The following SLC26A5 variants were observed in gnomAD, a reference collection of about 807,000 sequenced individuals.
SLC26A5 encodes the protein prestin.
SLC26A5 carries 51 observed loss-of-function variants against 81.0 expected under a neutral mutation model. The observed-to-expected ratio is 0.63, with a 90% CI of 0.50 to 0.80. The LOEUF (loss-of-function observed/expected upper bound fraction) is 0.80. SLC26A5 is among the 30% of genes least tolerant of loss of function. The probability of loss-of-function intolerance (pLI) is 0.00; values close to 1 mark genes in which losing one functional copy is unlikely to be tolerated. For synonymous variants in SLC26A5, 325 were observed against 332.8 expected (o/e 0.98, Z 0.25); for missense variants, 771 against 905.8 (o/e 0.85, Z 1.91).
At chr7:103,395,720 C>T (rs1490216427) in intron 9 of SLC26A5, among the ~76,000 whole-genome samples, 1 of 151,514 alleles carries the variant, frequency 6.6e-6, no homozygotes, top group East Asian at 1.9e-4. Flanking sequence ...GGGGTTTCAC[C>T]ATGTTTGCCA....
intron 2 of SLC26A5, among the ~76,000 whole-genome samples, chr7:103,427,434 A>G (rs1246175765): frequency 4.6e-5 from 7 of 151,692 alleles, no homozygotes; most frequent in African/African-American, 1.5e-4. Flanking sequence ...GTAGATGAGA[A>G]AATGGATCCA....
intron 17 of SLC26A5, 46 bp from the exon 18 acceptor site, chr7:103,377,845 A>C: frequency 6.4e-7 from 1 of 1,569,442 alleles, no homozygotes; most frequent in Non-Finnish European, 8.7e-7. Context: ...AACAACTCAC[A>C]TTTCTGGTTG....
intron 19 of SLC26A5, 91 bp downstream of exon 19, chr7:103,376,711 AATAATT>A: frequency 2.2e-6 from 2 of 928,418 alleles, no homozygotes; most frequent in Non-Finnish European, 3.4e-6. Context: ...ATTTTTATAA[AATAATT>A]AAAATTAAGG....
chr7:103,374,302 A>T lies in SLC26A5; in HGVS notation c.*97T>A. ...AATCAAGCCTGGACTACTAGTATTCACCCTTAGAAAAAAAAATCTAGCGTC... is the reference window on the plus strand; with the variant it reads ...AATCAAGCCTGGACTACTAGTATTCTCCCTTAGAAAAAAAAATCTAGCGTC... On this transcript the variant is annotated 3_prime_UTR_variant, in exon 20 of 20. Coordinates refer to ENST00000306312, the MANE Select transcript of SLC26A5 (RefSeq NM_198999.3). 1 of 1,549,510 alleles carries T rather than the reference A, an allele frequency of 6.5e-7. No homozygotes were observed. Among genetic ancestry groups the T allele is most frequent in the Non-Finnish European group, 8.7e-7 (1 of 1,148,306 alleles).
At chr7:103,434,310 T>G (rs957817073) in intron 2 of SLC26A5, among the ~76,000 whole-genome samples, 4 of 152,210 alleles carry the variant, frequency 2.6e-5, no homozygotes, top group Non-Finnish European at 5.9e-5. Flanking sequence ...AAAATCCAGT[T>G]TCCTCATGAG....
chr7:103,366,265 A>G, intron 19 of SLC26A5: 2 of 1,011,968 alleles, frequency 2.0e-6, no homozygotes, highest in East Asian at 2.4e-5. Flanking sequence ...TTTAACTCCA[A>G]CTCTTCTATG....
rs374432802 is a variant in SLC26A5, at chr7:103,364,958, C to CATACATATATATAT, written c.2041+11849_2041+11850insATATATATATGTAT. ...GGTTGTTTTTATGTTTGTAGACATACATATATATATATATATATATATATA... is the reference window on the plus strand; with the variant it reads ...GGTTGTTTTTATGTTTGTAGACATACATACATATATATATATATATATATATATATATATATATA... On this transcript the variant is annotated intron_variant, in intron 19 of 19. Coordinates refer to the SLC26A5 transcript ENST00000339444. Among the ~76,000 whole-genome samples the CATACATATATATAT allele has an allele frequency of 4.8e-5, 6 of 125,490 alleles. No homozygotes were observed. In the East Asian group the frequency reaches 1.5e-3, roughly 31 times the overall value. 82.3% of individuals were successfully genotyped at this position (125,490 alleles called of 152,430 possible). A position where few individuals can be genotyped will look rare whatever the true frequency, so the allele number is the denominator to read the frequency against.
At chr7:103,410,055 A>G (rs1328844764) in intron 7 of SLC26A5, among the ~76,000 whole-genome samples, 1 of 152,140 alleles carries the variant, frequency 6.6e-6, no homozygotes, top group African/African-American at 2.4e-5. Flanking sequence ...ATGCCTTTAA[A>G]TTATTTGTTA....
chr7:103,396,670 G>A (rs1823136235), intron 9 of SLC26A5, among the ~76,000 whole-genome samples: 1 of 152,154 alleles, frequency 6.6e-6, no homozygotes, highest in Non-Finnish European at 1.5e-5. Context: ...ACTGGGGGCT[G>A]GGGGAAGAAG....
At chr7:103,433,415 C>A (rs1253897182) in intron 2 of SLC26A5, 2 of 152,116 alleles carry the variant, frequency 1.3e-5, no homozygotes, top group Admixed American at 1.3e-4. Flanking sequence ...GTCAGCTTCG[C>A]CCTCTGTGTT....
At chr7:103,430,083 T>C (rs1444877453) in intron 2 of SLC26A5, among the ~76,000 whole-genome samples, 2 of 151,716 alleles carry the variant, frequency 1.3e-5, no homozygotes, top group African/African-American at 4.8e-5. Flanking sequence ...GCACTTTTTT[T>C]TTTTTTTTTT....
At position 103,402,014 on chromosome 7, in the gene SLC26A5, T is replaced by C. The variant is rs553885357; in HGVS notation, c.889-4000A>G. Among the ~76,000 whole-genome samples the C allele has an allele frequency of 7.9e-5, 12 of 152,268 alleles. No individual in the cohort carries two copies. The South Asian group carries it at 1.7e-3, about 21-fold the overall frequency. ...TTCATCAGGGATGCTGGCCTGAAAT[T>C]TTCTTTTTTTTGTTGTTGTGTCTCT... On this transcript the variant is annotated intron_variant, in intron 8 of 19. Transcript: ENST00000306312.
At chr7:103,379,786 C>A (rs1054512940) in intron 15 of SLC26A5, among the ~76,000 whole-genome samples, 3 of 152,082 alleles carry the variant, frequency 2.0e-5, no homozygotes, top group Non-Finnish European at 2.9e-5. Flanking sequence ...TAAATGGACA[C>A]AAGTGAAACT....
At chr7:103,430,031 G>A (rs909123452) in intron 2 of SLC26A5, among the ~76,000 whole-genome samples, 1 of 151,296 alleles carries the variant, frequency 6.6e-6, no homozygotes, top group African/African-American at 2.4e-5. Context: ...AATACCACAT[G>A]CAGAGCCTAG....
At chr7:103,408,085 A>C (rs561923794) in intron 7 of SLC26A5, 82 bp from the exon 8 acceptor site, 164 of 1,551,374 alleles carry the variant, frequency 1.1e-4, no homozygotes, top group East Asian at 1.8e-4. Context: ...ACTAATTCAC[A>C]CCAGCCATTC....
intron 11 of SLC26A5, 29 bp from the exon 12 acceptor site, chr7:103,390,535 CT>C: frequency 6.3e-7 from 1 of 1,585,468 alleles, no homozygotes; most frequent in Non-Finnish European, 8.7e-7. Context: ...ATGGAAGGGG[CT>C]TTTAGGAGAC....
chr7:103,379,128 G>T, intron 16 of SLC26A5, 115 bp downstream of exon 16: 1 of 773,078 alleles, frequency 1.3e-6, no homozygotes, highest in African/African-American at 1.7e-5. Flanking sequence ...TACAATAAAA[G>T]AGAGAGAAAC....
chr7:103,408,174 AC>A (rs1224943773), intron 7 of SLC26A5, among the ~76,000 whole-genome samples, 171 bp from the exon 8 acceptor site: 1 of 152,190 alleles, frequency 6.6e-6, no homozygotes, highest in East Asian at 1.9e-4. Flanking sequence ...AGGCATTTTT[AC>A]CCAGTCTACA....
chr7:103,441,848 T>TC (rs1307861232), intron 2 of SLC26A5, among the ~76,000 whole-genome samples: 3 of 151,994 alleles, frequency 2.0e-5, no homozygotes, highest in Non-Finnish European at 4.4e-5. Context: ...GCACAGCAGC[T>TC]CCCCCCGAAT....
Sources: gnomAD v4.1 joint callset for allele counts (sites outside exome capture counted in the v4.1 genomes callset) on GRCh38, gnomAD v4.1.1 for gene constraint, MANE v1.5 for transcripts, NCBI Gene and HGNC (gene_info 2026-07-23, HGNC 2026-07-21) for gene names.